The following GRIK1 variants were observed in gnomAD, a reference collection of about 807,000 sequenced individuals.
GRIK1 encodes the protein glutamate receptor ionotropic, kainate 1.
GRIK1 carries 69 observed loss-of-function variants against 105.7 expected under a neutral mutation model. The ratio of observed to expected loss-of-function variants is 0.65; its 90% CI spans 0.54 to 0.80. GRIK1 has a LOEUF of 0.80. Ranked by LOEUF, GRIK1 falls within the 30% of genes least tolerant of loss-of-function variation. The pLI is 0.00. For missense variants in GRIK1, 1,109 were observed against 1,167.3 expected (o/e 0.95, Z 0.73); for synonymous variants, 438 against 431.3 (o/e 1.02, Z -0.19).
intron 1 of GRIK1, among the ~76,000 whole-genome samples, chr21:29,846,313 G>A (rs564305011): frequency 8.1e-4 from 121 of 149,696 alleles, no homozygotes; most frequent in Admixed American, 2.5e-3. Context: ...GCTTGAAGCC[G>A]GGAGGCGGAG....
chr21:29,812,532 A>T (rs944362298), intron 1 of GRIK1, among the ~76,000 whole-genome samples: 2 of 152,148 alleles, frequency 1.3e-5, no homozygotes, highest in Non-Finnish European at 1.5e-5. Flanking sequence ...ACATGTTCTA[A>T]CATCTGTCTC....
chr21:29,729,115 C>T (rs1237491145), intron 1 of GRIK1, among the ~76,000 whole-genome samples: 1 of 152,102 alleles, frequency 6.6e-6, no homozygotes, highest in Non-Finnish European at 1.5e-5. Context: ...CATCCCATTC[C>T]CCAAAGCTTC....
intron 7 of GRIK1, among the ~76,000 whole-genome samples, chr21:29,629,978 G>A (rs978037729): frequency 6.6e-6 from 1 of 152,210 alleles, no homozygotes; most frequent in African/African-American, 2.4e-5. Context: ...GGAACTGCAA[G>A]GATGGATGAT....
chr21:29,897,506 C>T (rs926623280), intron 1 of GRIK1, among the ~76,000 whole-genome samples: 2 of 152,136 alleles, frequency 1.3e-5, no homozygotes, highest in African/African-American at 4.8e-5. Flanking sequence ...TAATTAGTTA[C>T]CCTTGTTTCT....
intron 6 of GRIK1, 104 bp downstream of exon 6, chr21:29,651,014 C>T: frequency 3.8e-6 from 3 of 791,654 alleles, no homozygotes; most frequent in Non-Finnish European, 5.7e-6. Context: ...CAAGTCAAGG[C>T]ACCCACTGTA....
chr21:29,823,662 T>G (rs2067366680), intron 1 of GRIK1, among the ~76,000 whole-genome samples: 1 of 151,976 alleles, frequency 6.6e-6, no homozygotes, highest in African/African-American at 2.4e-5. Context: ...AAGGCTGATC[T>G]GAATATATTC....
At chr21:29,607,082 G>T (rs531447926) in intron 7 of GRIK1, among the ~76,000 whole-genome samples, 2 of 152,266 alleles carry the variant, frequency 1.3e-5, no homozygotes, top group South Asian at 2.1e-4. Context: ...AGTGTCTTGT[G>T]TATCTGATCT....
chr21:29,834,734 C>T (rs2067734467), intron 1 of GRIK1, among the ~76,000 whole-genome samples: 1 of 150,976 alleles, frequency 6.6e-6, no homozygotes, highest in African/African-American at 2.4e-5. Flanking sequence ...AATTGCTTAG[C>T]ACATTTCTGG....
chr21:29,584,681 G>T (rs553351353), intron 12 of GRIK1, among the ~76,000 whole-genome samples: 1 of 152,072 alleles, frequency 6.6e-6, no homozygotes, highest in Non-Finnish European at 1.5e-5. Flanking sequence ...GAACATAAGA[G>T]AATACAATTC....
chr21:29,839,029 A>G (rs2067891595), intron 1 of GRIK1, among the ~76,000 whole-genome samples: 1 of 146,124 alleles, frequency 6.8e-6, no homozygotes, highest in Admixed American at 7.0e-5. Flanking sequence ...AATAAATATC[A>G]TACTATAGGG....
At chr21:29,643,779 A>G (rs2062562234) in intron 6 of GRIK1, among the ~76,000 whole-genome samples, 1 of 152,174 alleles carries the variant, frequency 6.6e-6, no homozygotes. Context: ...TGAGGGTTTC[A>G]TTGCAACTTC....
intron 1 of GRIK1, among the ~76,000 whole-genome samples, chr21:29,883,657 A>G (rs2069505971): frequency 6.6e-6 from 1 of 152,070 alleles, no homozygotes; most frequent in Admixed American, 6.6e-5. Context: ...ATCAGGTTAT[A>G]AAGAAATCAG....
chr21:29,829,688 G>A (rs1362013788), intron 1 of GRIK1, among the ~76,000 whole-genome samples: 5 of 152,120 alleles, frequency 3.3e-5, no homozygotes, highest in Non-Finnish European at 7.4e-5. Context: ...CTCTGCCATG[G>A]AATGTTGCCT....
At chr21:29,696,718 T>A (rs2063708422) in intron 1 of GRIK1, among the ~76,000 whole-genome samples, 1 of 152,202 alleles carries the variant, frequency 6.6e-6, no homozygotes, top group Non-Finnish European at 1.5e-5. Context: ...AGAATCAGCA[T>A]CCTTGGGGAG....
At chr21:29,897,160 G>C (rs1451412161) in intron 1 of GRIK1, among the ~76,000 whole-genome samples, 1 of 152,154 alleles carries the variant, frequency 6.6e-6, no homozygotes, top group African/African-American at 2.4e-5. Context: ...GTGATTTGTA[G>C]CAAGTATGAA....
At chr21:29,765,602 G>C (rs927999889) in intron 1 of GRIK1, among the ~76,000 whole-genome samples, 1 of 152,030 alleles carries the variant, frequency 6.6e-6, no homozygotes, top group African/African-American at 2.4e-5. Context: ...AGGGCCTTTA[G>C]GGAAAGAATG....
chr21:29,680,259 A>C (rs1003639103), intron 3 of GRIK1, among the ~76,000 whole-genome samples: 3 of 152,258 alleles, frequency 2.0e-5, no homozygotes, highest in African/African-American at 7.2e-5. Flanking sequence ...ACATAGCCCA[A>C]TGTCACCACA....
chr21:29,544,142 C>T (rs1219947301), intron 16 of GRIK1, among the ~76,000 whole-genome samples: 1 of 152,136 alleles, frequency 6.6e-6, no homozygotes, highest in African/African-American at 2.4e-5. Flanking sequence ...AAAAATATAC[C>T]TATGAGGGTC....
chr21:29,872,587 T>G (rs557599727), intron 1 of GRIK1, among the ~76,000 whole-genome samples: 1 of 152,230 alleles, frequency 6.6e-6, no homozygotes, highest in South Asian at 2.1e-4. Flanking sequence ...ACACTGCTGA[T>G]AAAGATATAC....
Sources: gnomAD v4.1 joint callset for allele counts (sites outside exome capture counted in the v4.1 genomes callset) on GRCh38, gnomAD v4.1.1 for gene constraint, MANE v1.5 for transcripts, NCBI Gene and HGNC (gene_info 2026-07-23, HGNC 2026-07-21) for gene names.